The following RAD51B variants were observed in gnomAD, a reference collection of about 807,000 sequenced individuals.
RAD51B encodes RAD51 paralog B.
Under a neutral mutation model 42.2 loss-of-function variants are expected in RAD51B, and 38 were observed. That is an observed-to-expected ratio of 0.90 (90% CI 0.70 to 1.18). The LOEUF is 1.18. Among genes scored for constraint, RAD51B ranks in the 50% most tolerant of loss-of-function variants. RAD51B has a pLI of 0.00. For missense variants in RAD51B, 373 were observed against 400.7 expected (o/e 0.93, Z 0.59); for synonymous variants, 154 against 145.2 (o/e 1.06, Z -0.43).
chr14:67,902,047 TA>T (rs2043631199), intron 7 of RAD51B, among the ~76,000 whole-genome samples: 1 of 152,112 alleles, frequency 6.6e-6, no homozygotes, highest in Non-Finnish European at 1.5e-5. Flanking sequence ...TACATTTATA[TA>T]AATGAAATGA....
intron 7 of RAD51B, among the ~76,000 whole-genome samples, chr14:68,040,278 C>T (rs777210482): frequency 1.3e-5 from 2 of 152,154 alleles, no homozygotes; most frequent in South Asian, 2.1e-4. Flanking sequence ...GCTTGCTAAC[C>T]CTGGTATTAA....
chr14:68,036,974 T>C (rs900752775), intron 7 of RAD51B, among the ~76,000 whole-genome samples: 5 of 151,820 alleles, frequency 3.3e-5, no homozygotes, highest in Admixed American at 1.3e-4. Flanking sequence ...TTTTTTTCTT[T>C]AGTATCCATA....
At chr14:67,852,659 A>C (rs1324229113) in intron 4 of RAD51B, among the ~76,000 whole-genome samples, 2 of 152,204 alleles carry the variant, frequency 1.3e-5, no homozygotes, top group African/African-American at 4.8e-5. Flanking sequence ...AACCTGATAC[A>C]ATGTGGGAGG....
chr14:68,022,340 G>A (rs1344146212), intron 7 of RAD51B, among the ~76,000 whole-genome samples: 1 of 152,106 alleles, frequency 6.6e-6, no homozygotes, highest in Non-Finnish European at 1.5e-5. Flanking sequence ...TTATTGATGG[G>A]CACCCAGATT....
intron 5 of RAD51B, among the ~76,000 whole-genome samples, chr14:67,877,094 G>T (rs956629199): frequency 2.0e-5 from 3 of 151,932 alleles, no homozygotes; most frequent in Admixed American, 6.6e-5. Context: ...GGTGCAAGAA[G>T]AAATTTTTTT....
At chr14:68,580,174 C>T (rs999692525) in intron 10 of RAD51B, among the ~76,000 whole-genome samples, 1 of 152,244 alleles carries the variant, frequency 6.6e-6, no homozygotes, top group Non-Finnish European at 1.5e-5. Context: ...GGTTCCCCCT[C>T]ATTTCCTCTT....
At chr14:68,185,304 A>G (rs2079136100) in intron 7 of RAD51B, among the ~76,000 whole-genome samples, 1 of 152,222 alleles carries the variant, frequency 6.6e-6, no homozygotes. Context: ...CCTTAAAGAA[A>G]TTCAGTTTCT....
intron 9 of RAD51B, among the ~76,000 whole-genome samples, chr14:68,437,793 G>A (rs558482533): frequency 7.2e-5 from 11 of 152,338 alleles, no homozygotes; most frequent in African/African-American, 2.2e-4. Flanking sequence ...AGAGGACAGT[G>A]TAGCTATCGT....
chr14:68,387,865 T>C (rs1175912766), intron 8 of RAD51B, among the ~76,000 whole-genome samples: 1 of 152,106 alleles, frequency 6.6e-6, no homozygotes, highest in Non-Finnish European at 1.5e-5. Context: ...GTGTAAAATA[T>C]GCACTGAATT....
intron 10 of RAD51B, among the ~76,000 whole-genome samples, chr14:68,526,169 T>A (rs749037881): frequency 3.9e-5 from 6 of 152,264 alleles, no homozygotes; most frequent in Non-Finnish European, 8.8e-5. Flanking sequence ...TTCATTGTTG[T>A]TGTTGCTGTT....
At chr14:68,447,654 A>C (rs896896485) in intron 9 of RAD51B, among the ~76,000 whole-genome samples, 5 of 152,230 alleles carry the variant, frequency 3.3e-5, no homozygotes, top group Admixed American at 2.0e-4. Flanking sequence ...TTTCAGATGA[A>C]GAGTAAGTTA....
chr14:68,279,472 G>A (rs1440628272), intron 7 of RAD51B, among the ~76,000 whole-genome samples: 3 of 152,062 alleles, frequency 2.0e-5, no homozygotes, highest in Non-Finnish European at 2.9e-5. Flanking sequence ...AGGACTGCAG[G>A]AACAGCCATA....
chr14:68,494,099 A>G (rs1291984826), intron 10 of RAD51B, among the ~76,000 whole-genome samples: 1 of 151,972 alleles, frequency 6.6e-6, no homozygotes, highest in Non-Finnish European at 1.5e-5. Flanking sequence ...AACATGGTGA[A>G]ACCCTGTCTC....
intron 7 of RAD51B, among the ~76,000 whole-genome samples, chr14:68,132,748 A>T (rs1247229574): frequency 6.6e-6 from 1 of 152,196 alleles, no homozygotes; most frequent in Non-Finnish European, 1.5e-5. Context: ...GTATTAGCTC[A>T]TTTTCCCTCT....
chr14:68,532,407 G>A (rs1887367602), intron 10 of RAD51B, among the ~76,000 whole-genome samples: 1 of 152,054 alleles, frequency 6.6e-6, no homozygotes, highest in African/African-American at 2.4e-5. Context: ...AATTTATAAT[G>A]ATAGATACAA....
chr14:68,167,957 G>A (rs2078787159), intron 7 of RAD51B, among the ~76,000 whole-genome samples: 1 of 152,010 alleles, frequency 6.6e-6, no homozygotes, highest in Non-Finnish European at 1.5e-5. Context: ...TGCACCCTTA[G>A]GCAGATCTGT....
intron 7 of RAD51B, among the ~76,000 whole-genome samples, chr14:68,070,910 A>G (rs917245573): frequency 2.6e-5 from 4 of 152,108 alleles, no homozygotes; most frequent in African/African-American, 7.2e-5. Flanking sequence ...CTTCTTATCA[A>G]TGAGGATGGA....
At chr14:68,306,633 C>G (rs771570411) in intron 8 of RAD51B, 1 of 515,812 alleles carries the variant, frequency 1.9e-6, no homozygotes, top group Non-Finnish European at 3.9e-6. Flanking sequence ...CCTTGATCCT[C>G]TGGCCTAATA....
chr14:68,554,009 T>A (rs1888707727), intron 10 of RAD51B, among the ~76,000 whole-genome samples: 1 of 152,150 alleles, frequency 6.6e-6, no homozygotes, highest in Non-Finnish European at 1.5e-5. Flanking sequence ...CTACAGCAGA[T>A]CACAGTTACA....
Sources: allele counts gnomAD v4.1 joint callset (sites outside exome capture counted in the v4.1 genomes callset), GRCh38; gene constraint gnomAD v4.1.1; transcripts MANE v1.5; gene names NCBI Gene and HGNC (gene_info 2026-07-23, HGNC 2026-07-21).